The following LYRM4 variants were observed in gnomAD, a reference collection of about 807,000 sequenced individuals.
LYRM4 encodes the protein LYR motif-containing protein 4.
Under a neutral mutation model 11.7 loss-of-function variants are expected in LYRM4, and 9 were observed. The observed-to-expected ratio is 0.77, with a 90% CI of 0.46 to 1.34. LYRM4 has a LOEUF of 1.34. Ranked by LOEUF, LYRM4 falls within the 40% of genes most tolerant of loss-of-function variation. The pLI is 0.00. For synonymous variants in LYRM4, 42 were observed against 40.4 expected (o/e 1.04, Z -0.15); for missense variants, 133 against 112.5 (o/e 1.18, Z -0.82).
At chr6:5,138,846 G>C in intron 2 of LYRM4, 1 of 762,564 alleles carries the variant, frequency 1.3e-6, no homozygotes, top group Non-Finnish European at 2.1e-6. Context: ...GTTTAAGACA[G>C]GTTAAAAGCT....
chr6:5,245,137 T>C (rs1490631452), intron 1 of LYRM4, among the ~76,000 whole-genome samples: 2 of 81,264 alleles, frequency 2.5e-5, no homozygotes, highest in African/African-American at 9.3e-5. Context: ...TATATATATA[T>C]ATATATATAT....
the LYRM4 span, among the ~76,000 whole-genome samples, chr6:5,045,350 A>G: frequency 6.6e-6 from 1 of 152,238 alleles, no homozygotes; most frequent in Non-Finnish European, 1.5e-5. Flanking sequence ...TGCTAAGTGA[A>G]GTAAGCCAGG....
chr6:5,136,294 T>G, intron 2 of LYRM4: 1 of 985,416 alleles, frequency 1.0e-6, no homozygotes, highest in Non-Finnish European at 1.2e-6. Context: ...TATTCAATAC[T>G]TTTAAAACCA....
chr6:5,128,349 T>C (rs1581333050), intron 2 of LYRM4, among the ~76,000 whole-genome samples: 1 of 152,262 alleles, frequency 6.6e-6, no homozygotes, highest in African/African-American at 2.4e-5. Flanking sequence ...ACAGGGGTGA[T>C]ATGGAGTTGC....
At chr6:5,175,002 C>T (rs76883188) in intron 2 of LYRM4, among the ~76,000 whole-genome samples, 10 of 152,258 alleles carry the variant, frequency 6.6e-5, no homozygotes, top group East Asian at 1.9e-4. Flanking sequence ...AGGAAGGATG[C>T]GGTCTATTTA....
intron 2 of LYRM4, among the ~76,000 whole-genome samples, chr6:5,209,207 C>T (rs976631502): frequency 1.3e-5 from 2 of 152,154 alleles, no homozygotes; most frequent in Non-Finnish European, 2.9e-5. Context: ...AATTCTGCTG[C>T]CTCAGTCTCC....
At chr6:5,105,243 G>A (rs1401916687), downstream of LYRM4, 1 of 152,272 alleles carries the variant, frequency 6.6e-6, no homozygotes, top group African/African-American at 2.4e-5. Flanking sequence ...GGACTCTGTG[G>A]ACTTTCTCGC....
the LYRM4 span, among the ~76,000 whole-genome samples, chr6:5,045,213 C>T: frequency 1.3e-5 from 2 of 152,326 alleles, no homozygotes; most frequent in South Asian, 2.1e-4. Context: ...AGAAGCAACC[C>T]AATGTCCAAC....
intron 2 of LYRM4, among the ~76,000 whole-genome samples, chr6:5,200,387 A>G (rs1274574204): frequency 1.3e-5 from 2 of 152,122 alleles, no homozygotes; most frequent in Non-Finnish European, 2.9e-5. Flanking sequence ...TTGTCTTGTG[A>G]TATCAGCTCG....
intron 2 of LYRM4, among the ~76,000 whole-genome samples, chr6:5,144,651 A>AAAAAAAAAAAAC (rs1757609220): frequency 6.7e-6 from 1 of 150,184 alleles, no homozygotes; most frequent in African/African-American, 2.5e-5. Flanking sequence ...AAAAAAAAAA[A>AAAAAAAAAAAAC]AAAAGAAATA....
chr6:5,051,145 T>C, the LYRM4 span, among the ~76,000 whole-genome samples: 1 of 152,088 alleles, frequency 6.6e-6, no homozygotes, highest in East Asian at 1.9e-4. Flanking sequence ...GCCAAAAAGA[T>C]TACAGAAAAG....
intron 1 of LYRM4, among the ~76,000 whole-genome samples, chr6:5,237,246 T>C (rs1763603696): frequency 6.6e-6 from 1 of 152,108 alleles, no homozygotes; most frequent in Non-Finnish European, 1.5e-5. Flanking sequence ...CCACCTGAGC[T>C]CCACCTCCTG....
the LYRM4 span, among the ~76,000 whole-genome samples, chr6:5,047,992 A>G: frequency 3.3e-5 from 5 of 152,346 alleles, no homozygotes; most frequent in East Asian, 3.9e-4. Context: ...GACAGCATCA[A>G]TCCCCTTCAA....
At chr6:5,164,785 C>A (rs567318103) in intron 2 of LYRM4, among the ~76,000 whole-genome samples, 1 of 151,904 alleles carries the variant, frequency 6.6e-6, no homozygotes, top group Non-Finnish European at 1.5e-5. Flanking sequence ...CTGGCCAATA[C>A]GGTGAAACCC....
chr6:5,101,329 A>G (rs1762493323), downstream of LYRM4, among the ~76,000 whole-genome samples: 2 of 152,194 alleles, frequency 1.3e-5, no homozygotes, highest in Admixed American at 6.5e-5. Flanking sequence ...TGTTTGGTCC[A>G]TTTCTTCATC....
At chr6:5,120,368 G>A (rs1763380547) in intron 2 of LYRM4, among the ~76,000 whole-genome samples, 1 of 152,154 alleles carries the variant, frequency 6.6e-6, no homozygotes, top group Admixed American at 6.5e-5. Flanking sequence ...CACAGGGTCT[G>A]CTTTGTAGTG....
chr6:5,105,214 T>A (rs1447075053), downstream of LYRM4: 1 of 152,268 alleles, frequency 6.6e-6, no homozygotes, highest in Admixed American at 6.5e-5. Flanking sequence ...ATGACTGACC[T>A]AAGCTAGACC....
chr6:5,038,334 G>C, the LYRM4 span, among the ~76,000 whole-genome samples: 3 of 55,840 alleles, frequency 5.4e-5, no homozygotes, highest in African/African-American at 1.5e-4. Flanking sequence ...GGATGGCGGC[G>C]GGGAAGAGGC....
At chr6:5,178,446 C>CTT (rs57538719) in intron 2 of LYRM4, among the ~76,000 whole-genome samples, 26 of 143,072 alleles carry the variant, frequency 1.8e-4, no homozygotes, top group East Asian at 6.1e-4. Context: ...ATTCATAACT[C>CTT]TTTTTTTTTT....
Sources: allele counts gnomAD v4.1 joint callset (sites outside exome capture counted in the v4.1 genomes callset), GRCh38; gene constraint gnomAD v4.1.1; transcripts MANE v1.5; gene names NCBI Gene and HGNC (gene_info 2026-07-23, HGNC 2026-07-21).